Variants in G6PC1 observed in about 807,000 individuals in gnomAD.
G6PC1 encodes glucose-6-phosphatase catalytic subunit 1.
A neutral mutation model predicts 30.4 loss-of-function variants in G6PC1; 23 were observed. The observed-to-expected ratio is 0.76, with a 90% CI of 0.55 to 1.07. G6PC1 has a LOEUF of 1.07. Among genes scored for constraint, G6PC1 ranks in the 50% least tolerant of loss-of-function variants. G6PC1 has a pLI of 0.00. For missense variants in G6PC1, 391 were observed against 433.9 expected (o/e 0.90, Z 0.88); for synonymous variants, 163 against 175.6 (o/e 0.93, Z 0.57).
At position 42,910,922 on chromosome 17, in the gene G6PC1, T is replaced by C. The variant is rs753671536; in HGVS notation, c.570T>C (p.Ala190=). 8 of 1,614,224 alleles carry C rather than the reference T, an allele frequency of 5.0e-6. No homozygotes were observed. The highest frequency in any genetic ancestry group is 1.6e-4 in the Middle Eastern group (1 of 6,062). ...ATGCTTTCTTCCACTCAGGCATTGC[T>C]GTTGCAGAAACTTTCAGCCACATCC... The part of the protein sequence containing the change: ...QVVAGVLSGI[A]VAETFSHIHS... The change falls in exon 5 of 5, where the codon GCT becomes GCC. Residue 190 remains alanine (A), a synonymous_variant. Coordinates refer to ENST00000253801, the MANE Select transcript of G6PC1 (RefSeq NM_000151.4).
In G6PC1 at chr17:42,900,942, T is replaced by C. The variant is rs766886771; in HGVS notation, c.66T>C (p.Asn22=). The C allele has an allele frequency of 2.5e-6, 4 of 1,614,138 alleles. No individual in the cohort carries two copies. In the Admixed American group the frequency reaches 6.7e-5, roughly 27 times the overall value. Reference sequence around the variant, plus strand: ...AGTCAACACATTACCTCCAGGTGAATTACCAAGACTCCCAGGACTGGTTCA... The same window carrying C: ...AGTCAACACATTACCTCCAGGTGAACTACCAAGACTCCCAGGACTGGTTCA... ...GIQSTHYLQV[N]YQDSQDWFIL... Residue 22 remains asparagine, a synonymous_variant, in exon 1 of 5, where the codon AAT becomes AAC. Coordinates refer to ENST00000253801, the MANE Select transcript of G6PC1 (RefSeq NM_000151.4).
intron 4 of G6PC1, among the ~76,000 whole-genome samples, chr17:42,910,705 C>A (rs1313120226): frequency 6.6e-6 from 1 of 152,100 alleles, no homozygotes; most frequent in Non-Finnish European, 1.5e-5. Flanking sequence ...GGAGATTGTA[C>A]GTGATATGGC....
chr17:42,907,397 G>T (rs2056068361), intron 2 of G6PC1, 126 bp from the exon 3 acceptor site: 2 of 697,878 alleles, frequency 2.9e-6, no homozygotes, highest in South Asian at 3.0e-5. Flanking sequence ...ATGGATGGGG[G>T]GTGAATGGAT....
Position 42,911,375 on chromosome 17 carries a change from C to G in G6PC1, c.1023C>G (p.Ile341Met), listed in dbSNP as rs2056095309. 1.2e-6 allele frequency: 2 copies of G among 1,614,070 alleles called. No individual in the cohort carries two copies. Among genetic ancestry groups the G allele is most frequent in the Non-Finnish European group, 1.7e-6 (2 of 1,180,042 alleles). The stretch of plus-strand genomic sequence containing the variant: ...TGCCCCTGGCATCCGTCAGTGTCAT[C>G]CCCTACTGCCTCGCCCAGGTCCTGG... Reference protein sequence around the residue: ...AVVPLASVSVIPYCLAQVLGQ... With the variant: ...AVVPLASVSVMPYCLAQVLGQ... Residue 341 changes from isoleucine (I) to methionine (M), a missense_variant, in exon 5 of 5, where the codon ATC (isoleucine) becomes ATG (methionine). Ile to Met is a conservative substitution (Grantham distance 10). Coordinates refer to ENST00000253801, the MANE Select transcript of G6PC1 (RefSeq NM_000151.4).
intron 2 of G6PC1, among the ~76,000 whole-genome samples, chr17:42,907,072 G>A (rs1350229397): frequency 6.6e-6 from 1 of 152,160 alleles, no homozygotes; most frequent in Non-Finnish European, 1.5e-5. Flanking sequence ...AAAGCCCTGA[G>A]GTGGGAACGT....
chr17:42,905,231 C>G (rs2056051682), intron 2 of G6PC1, among the ~76,000 whole-genome samples: 1 of 151,674 alleles, frequency 6.6e-6, no homozygotes, highest in South Asian at 2.1e-4. Flanking sequence ...TCAAGACCAG[C>G]CTGGCCAACA....
chr17:42,902,659 T>G (rs2056033663), intron 1 of G6PC1, among the ~76,000 whole-genome samples: 1 of 152,246 alleles, frequency 6.6e-6, no homozygotes, highest in Admixed American at 6.5e-5. Flanking sequence ...TGGCTCTCCC[T>G]GATTTCGGTG....
In G6PC1 at chr17:42,913,692, A is replaced by G. The variant is rs1400223646; in HGVS notation, c.*2266A>G. On this transcript the variant is annotated 3_prime_UTR_variant, in exon 5 of 5. Coordinates refer to ENST00000253801, the MANE Select transcript of G6PC1 (RefSeq NM_000151.4). ...AACTTGAGAGTAGATGGGCAGGGTC[A>G]CTATCAAATTAAGCAATCAGGGCAC... is the stretch of plus-strand genomic sequence containing the variant. 6.6e-6 allele frequency among the ~76,000 whole-genome samples: 1 copy of G among 152,214 alleles called. No individual in the cohort carries two copies. The highest frequency in any genetic ancestry group is 2.4e-5 in the African/African-American group (1 of 41,452).
rs1487500747 is a variant in G6PC1, at chr17:42,910,827, A to T, written c.563-88A>T. 5.0e-5 allele frequency: 62 copies of T among 1,251,166 alleles called. No individual in the cohort carries two copies. In the East Asian group the frequency reaches 9.3e-4, roughly 19 times the overall value. The allele number at this position is 1,251,166 out of a possible 1,614,324, so 77.5% of individuals were successfully genotyped here. ...ATTTAATTCCACAGTCGCAGAACGGATGGCATGTCACCCACTCCTCCAAAC... is the reference window on the plus strand; with the variant it reads ...ATTTAATTCCACAGTCGCAGAACGGTTGGCATGTCACCCACTCCTCCAAAC... On this transcript the variant is annotated intron_variant, in intron 4 of 4. Transcript: ENST00000253801.
chr17:42,905,888 TACAAAA>T (rs764670963), intron 2 of G6PC1, among the ~76,000 whole-genome samples: 161 of 151,362 alleles, frequency 1.1e-3, no homozygotes, highest in Non-Finnish European at 1.7e-3. Context: ...AATAAAAAAA[TACAAAA>T]ACTTAGCCAG....
chr17:42,907,380 TGAAC>T, intron 2 of G6PC1, 139 bp from the exon 3 acceptor site: 1 of 648,602 alleles, frequency 1.5e-6, no homozygotes, highest in Non-Finnish European at 2.8e-6. Flanking sequence ...GGATGGGGGG[TGAAC>T]GGATGGATGG....
intron 3 of G6PC1, among the ~76,000 whole-genome samples, chr17:42,908,211 T>C (rs976297643): frequency 1.3e-5 from 2 of 152,144 alleles, no homozygotes; most frequent in African/African-American, 4.8e-5. Context: ...CGTATCTTTT[T>C]GTAGAGACAG....
intron 3 of G6PC1, among the ~76,000 whole-genome samples, chr17:42,908,278 C>T (rs2056074024): frequency 6.6e-6 from 1 of 152,178 alleles, no homozygotes; most frequent in East Asian, 1.9e-4. Context: ...ATTGGCTTGC[C>T]TCAGCCTCCT....
chr17:42,904,948 C>T (rs1448689583), intron 2 of G6PC1, among the ~76,000 whole-genome samples: 1 of 151,506 alleles, frequency 6.6e-6, no homozygotes, highest in Non-Finnish European at 1.5e-5. Context: ...CCTGTCTTTA[C>T]TAAAAATGGA....
In G6PC1 at chr17:42,901,055, A is replaced by G. The variant is rs761595049; in HGVS notation, c.179A>G (p.Lys60Arg). Reference protein sequence around the residue: ...WFHLQEAVGIKLLWVAVIGDW... With the variant: ...WFHLQEAVGIRLLWVAVIGDW... ...CATCTTCAGGAAGCTGTGGGCATTA[A>G]ACTCCTTTGGGTAGCTGTGATTGGA... Residue 60 changes from lysine to arginine, a missense_variant, in exon 1 of 5, where the codon AAA (lysine) becomes AGA (arginine). By Grantham distance (26) the Lys-to-Arg change is conservative. Transcript: ENST00000253801. 1.2e-6 allele frequency: 2 copies of G among 1,614,098 alleles called. No homozygotes were observed. The highest frequency in any genetic ancestry group is 4.5e-5 in the East Asian group (2 of 44,876).
Position 42,901,110 on chromosome 17 carries a change from A to G in G6PC1, c.230+4A>G, listed in dbSNP as rs587776757. ...GGCTCAACCTCGTCTTTAAGTGGTA[A>G]GAACCATATAGAGAGGAGATCAGCA... On this transcript the variant is annotated splice_donor_region_variant and intron_variant, in intron 1 of 4. Coordinates refer to ENST00000253801, the MANE Select transcript of G6PC1 (RefSeq NM_000151.4). 6.2e-7 allele frequency: 1 copy of G among 1,606,348 alleles called. No homozygotes were observed.
intron 1 of G6PC1, among the ~76,000 whole-genome samples, chr17:42,903,595 T>C (rs2056040575): frequency 6.6e-6 from 1 of 151,630 alleles, no homozygotes; most frequent in South Asian, 2.1e-4. Flanking sequence ...ACACCTGTAG[T>C]CCCAGCTATT....
intron 1 of G6PC1, among the ~76,000 whole-genome samples, chr17:42,903,135 G>A (rs953532362): frequency 1.3e-4 from 19 of 142,284 alleles, no homozygotes; most frequent in African/African-American, 5.1e-4. Flanking sequence ...AGCCTGTAGT[G>A]CAGTGGCATA....
chr17:42,909,055 A>T (rs1198683141), intron 3 of G6PC1, among the ~76,000 whole-genome samples: 2 of 151,746 alleles, frequency 1.3e-5, no homozygotes, highest in Non-Finnish European at 2.9e-5. Context: ...TGTTGCCCAG[A>T]CTAGTCTTGA....
Sources: allele counts gnomAD v4.1 joint callset (sites outside exome capture counted in the v4.1 genomes callset), GRCh38; gene constraint gnomAD v4.1.1; transcripts MANE v1.5; gene names NCBI Gene and HGNC (gene_info 2026-07-23, HGNC 2026-07-21).